KCNC4: variants seen among roughly 807,000 people sequenced by gnomAD.
KCNC4 encodes the protein voltage-gated potassium channel KCNC4.
KCNC4 carries 23 observed loss-of-function variants against 42.8 expected under a neutral mutation model. The ratio of observed to expected loss-of-function variants is 0.54; its 90% confidence interval spans 0.39 to 0.76. The LOEUF is 0.76. KCNC4 is among the 30% of genes least tolerant of loss of function. KCNC4 has a pLI of 0.00. For synonymous variants in KCNC4, 422 were observed against 393.5 expected (o/e 1.07, Z -0.86); for missense variants, 751 against 898.2 (o/e 0.84, Z 2.10).
chr1:110,232,468 A>C, intron 3 of KCNC4: 1 of 1,447,940 alleles, frequency 6.9e-7, no homozygotes, highest in Non-Finnish European at 9.0e-7. Context: ...TGTGAGCCAC[A>C]GGCCACATCA....
intron 2 of KCNC4, chr1:110,224,781 T>C (rs565563547): frequency 6.6e-6 from 1 of 152,286 alleles, no homozygotes; most frequent in Non-Finnish European, 1.5e-5. Flanking sequence ...GCATCCTGAC[T>C]GTTATGTGTA....
chr1:110,238,912 G>A (rs1381184459), downstream of KCNC4: 1 of 152,082 alleles, frequency 6.6e-6, no homozygotes, highest in Non-Finnish European at 1.5e-5. Context: ...AGGGAGAGAG[G>A]CCAGAAGACC....
intron 1 of KCNC4, among the ~76,000 whole-genome samples, chr1:110,262,935 T>C (rs1009543796): frequency 1.3e-5 from 2 of 152,242 alleles, no homozygotes; most frequent in African/African-American, 4.8e-5. Flanking sequence ...AGACTCCGCG[T>C]AACCCCATCA....
chr1:110,254,092 G>C (rs867587294), downstream of KCNC4, among the ~76,000 whole-genome samples: 1 of 105,452 alleles, frequency 9.5e-6, no homozygotes, highest in Non-Finnish European at 1.9e-5. Context: ...GCAGAAGTCG[G>C]GGGGGGGGCG....
At chr1:110,229,135 A>G (rs1658563492) in intron 3 of KCNC4, 3 of 152,246 alleles carry the variant, frequency 2.0e-5, no homozygotes, top group Non-Finnish European at 2.9e-5. Flanking sequence ...GCCTTTAACC[A>G]GTAGCCGAAC....
At chr1:110,271,676 G>GC (rs1349664320) in intron 1 of KCNC4, among the ~76,000 whole-genome samples, 1 of 152,072 alleles carries the variant, frequency 6.6e-6, no homozygotes, top group Non-Finnish European at 1.5e-5. Flanking sequence ...AAGTGGGCTA[G>GC]CTGCCTCTGG....
At chr1:110,255,028 A>C (rs567289866) in intron 1 of KCNC4, among the ~76,000 whole-genome samples, 2 of 152,254 alleles carry the variant, frequency 1.3e-5, no homozygotes, top group South Asian at 4.1e-4. Context: ...GGAGACATCC[A>C]AGTATATACA....
rs1488269221 is a variant in KCNC4, at chr1:110,210,941, C to T, written c.-559C>T. Among the ~76,000 whole-genome samples the T allele has an allele frequency of 6.6e-6, 1 of 152,218 alleles. No homozygotes were observed. The highest frequency in any genetic ancestry group is 1.9e-4 in the East Asian group (1 of 5,178). On this transcript the variant is annotated 5_prime_UTR_variant, in exon 1 of 4. Transcript: ENST00000438661. Reference sequence around the variant, plus strand: ...GCCGCCTCGTGTTGACCGCAAGCAGCCCGGGCCCACGGAGCTCCGGCTGCC... The same window carrying T: ...GCCGCCTCGTGTTGACCGCAAGCAGTCCGGGCCCACGGAGCTCCGGCTGCC...
At chr1:110,216,350 G>A (rs1388598417) in intron 1 of KCNC4, among the ~76,000 whole-genome samples, 1 of 152,208 alleles carries the variant, frequency 6.6e-6, no homozygotes, top group Non-Finnish European at 1.5e-5. Flanking sequence ...TGCCAAGCCT[G>A]CCCGGGGCAG....
At chr1:110,212,696 A>G (rs1042024808) in intron 1 of KCNC4, among the ~76,000 whole-genome samples, 2 of 152,144 alleles carry the variant, frequency 1.3e-5, no homozygotes, top group Admixed American at 1.3e-4. Context: ...TTCAGAGAGG[A>G]GGATATAGGC....
In KCNC4 at chr1:110,223,688, T is replaced by G. The variant is rs1658235500; in HGVS notation, c.1403T>G (p.Val468Gly). 6.2e-7 allele frequency: 1 copy of G among 1,613,928 alleles called. No homozygotes were observed. Among genetic ancestry groups the G allele is most frequent in the Admixed American group, 1.7e-5 (1 of 60,008 alleles). ...GGCGTGCTCACCATCGCCATGCCGG[T>G]GCCTGTCATCGTCAACAACTTCGGC... ...LAGVLTIAMP[V>G]PVIVNNFGMY... Residue 468 changes from valine to glycine, a missense_variant, in exon 2 of 4, where the codon GTG becomes GGG. Around this residue, in one of 4 missense-constraint regions of KCNC4, gnomAD observed 185 missense variants for 293.7 expected, o/e 0.63. Transcript: ENST00000438661. This position sits in a 1 kb window ranked among gnomAD's most constrained non-coding sequence, Gnocchi z 7.5.
exon 4 of KCNC4, chr1:110,241,393 C>T (rs1659030933): frequency 6.6e-6 from 1 of 152,164 alleles, no homozygotes; most frequent in African/African-American, 2.4e-5. Context: ...GGAGATAGGA[C>T]TGTTGACCTT....
chr1:110,228,844 C>T (rs1658548020), intron 3 of KCNC4: 1 of 152,376 alleles, frequency 6.6e-6, no homozygotes, highest in African/African-American at 2.4e-5. Context: ...CGAGCCTGCC[C>T]TCCATAGCTC....
intron 3 of KCNC4, among the ~76,000 whole-genome samples, chr1:110,227,354 C>T (rs1658452769): frequency 6.6e-6 from 1 of 152,168 alleles, no homozygotes; most frequent in Admixed American, 6.5e-5. Flanking sequence ...GTACCACTCT[C>T]CCCATGGAAG....
exon 4 of KCNC4, chr1:110,241,312 C>G (rs981023910): frequency 6.6e-6 from 1 of 152,140 alleles, no homozygotes; most frequent in African/African-American, 2.4e-5. Flanking sequence ...GACCTATGCA[C>G]AAGAAAGTAT....
intron 1 of KCNC4, among the ~76,000 whole-genome samples, chr1:110,269,690 T>C (rs1659606305): frequency 6.6e-6 from 1 of 152,040 alleles, no homozygotes; most frequent in Non-Finnish European, 1.5e-5. Context: ...GTAAGGTAAG[T>C]ATATATTTAA....
At chr1:110,215,864 A>C (rs934137336) in intron 1 of KCNC4, among the ~76,000 whole-genome samples, 3 of 152,186 alleles carry the variant, frequency 2.0e-5, no homozygotes, top group Admixed American at 1.3e-4. Context: ...GGTCTCATCA[A>C]TCTAAGTCTG....
intron 1 of KCNC4, among the ~76,000 whole-genome samples, chr1:110,257,645 CAGA>C (rs1659358316): frequency 6.9e-6 from 1 of 144,972 alleles, no homozygotes. Context: ...GGCGTGAACC[CAGA>C]AGGTGGAGCT....
intron 1 of KCNC4, among the ~76,000 whole-genome samples, chr1:110,275,753 T>C (rs1659707640): frequency 6.6e-6 from 1 of 151,912 alleles, no homozygotes; most frequent in Non-Finnish European, 1.5e-5. Context: ...GGTCAGGAGA[T>C]CGAGACCATT....
Sources: allele counts gnomAD v4.1 joint callset (sites outside exome capture counted in the v4.1 genomes callset), GRCh38; gene constraint gnomAD v4.1.1; regional missense constraint gnomAD v4.1.1; non-coding constraint Gnocchi (gnomAD v3.1); transcripts MANE v1.5; gene names NCBI Gene and HGNC (gene_info 2026-07-23, HGNC 2026-07-21).